GLRA1: variants seen among roughly 807,000 people sequenced by gnomAD.
GLRA1 encodes the protein glycine receptor alpha 1, also known as glycine receptor subunit alpha-1.
GLRA1 carries 37 observed loss-of-function variants against 48.3 expected under a neutral mutation model. That is an observed-to-expected ratio of 0.77 (90% CI 0.59 to 1.01). The LOEUF (loss-of-function observed/expected upper bound fraction) is 1.01. Ranked by LOEUF, GLRA1 falls within the 50% of genes least tolerant of loss-of-function variation. The pLI is 0.00. For missense variants in GLRA1, 427 were observed against 571.0 expected (o/e 0.75, Z 2.57); for synonymous variants, 196 against 210.7 (o/e 0.93, Z 0.60).
intron 1 of GLRA1, among the ~76,000 whole-genome samples, chr5:151,897,952 G>T (rs1754262532): frequency 1.3e-5 from 2 of 152,204 alleles, no homozygotes; most frequent in African/African-American, 2.4e-5. Flanking sequence ...TTGGTCAGGG[G>T]ATTTGTCACA....
At chr5:151,841,957 T>C (rs1477885021) in intron 7 of GLRA1, among the ~76,000 whole-genome samples, 1 of 151,372 alleles carries the variant, frequency 6.6e-6, no homozygotes, top group African/African-American at 2.4e-5. Flanking sequence ...CTTGGGAGGC[T>C]GAGGCAGGAG....
At chr5:151,832,348 T>G (rs1273623496) in intron 7 of GLRA1, among the ~76,000 whole-genome samples, 2 of 152,040 alleles carry the variant, frequency 1.3e-5, no homozygotes, top group Admixed American at 6.6e-5. Context: ...AATAGCAAAC[T>G]CCTCCAAGCT....
At chr5:151,842,161 C>T (rs896292262) in intron 7 of GLRA1, among the ~76,000 whole-genome samples, 1 of 151,916 alleles carries the variant, frequency 6.6e-6, no homozygotes, top group Non-Finnish European at 1.5e-5. Flanking sequence ...GACCAGATGG[C>T]TTCTTTCATT....
At chr5:151,826,416 T>C (rs1196577987) in intron 8 of GLRA1, among the ~76,000 whole-genome samples, 1 of 152,238 alleles carries the variant, frequency 6.6e-6, no homozygotes, top group East Asian at 1.9e-4. Context: ...CAGGACAATT[T>C]TTATCTGCTT....
At chr5:151,903,943 G>A (rs921858901) in intron 1 of GLRA1, among the ~76,000 whole-genome samples, 1 of 152,146 alleles carries the variant, frequency 6.6e-6, no homozygotes, top group African/African-American at 2.4e-5. Context: ...GTGAAATTTT[G>A]GCGCAAGTTT....
chr5:151,920,760 T>C (rs2040232972), intron 1 of GLRA1, among the ~76,000 whole-genome samples: 1 of 152,110 alleles, frequency 6.6e-6, no homozygotes, highest in South Asian at 2.1e-4. Flanking sequence ...CCTTGGGCCA[T>C]GTCAGAAACT....
In GLRA1 at chr5:151,828,902, C is replaced by T. The variant is rs1249397256; in HGVS notation, c.1059+19G>A. 4 of 1,610,890 alleles carry T rather than the reference C, an allele frequency of 2.5e-6. No individual in the cohort carries two copies. Among genetic ancestry groups the T allele is most frequent in the Non-Finnish European group, 3.4e-6 (4 of 1,177,646 alleles). On this transcript the variant is annotated intron_variant, in intron 8 of 8. Transcript: ENST00000274576. The stretch of plus-strand genomic sequence containing the variant: ...TTACTAACAGCTGTCCCTCCTTAGG[C>T]AGTGACCCAAAGGCCTACCTTGTGA...
At chr5:151,909,369 C>T (rs1006059842) in intron 1 of GLRA1, among the ~76,000 whole-genome samples, 1 of 152,112 alleles carries the variant, frequency 6.6e-6, no homozygotes, top group African/African-American at 2.4e-5. Context: ...AAATTGCAGC[C>T]CATGGTCATG....
At chr5:151,838,684 A>G (rs975288910) in intron 7 of GLRA1, among the ~76,000 whole-genome samples, 2 of 152,226 alleles carry the variant, frequency 1.3e-5, no homozygotes, top group African/African-American at 4.8e-5. Context: ...GAAACCATGT[A>G]ATGCACCAAC....
intron 1 of GLRA1, among the ~76,000 whole-genome samples, chr5:151,904,806 A>G (rs779507770): frequency 6.6e-6 from 1 of 152,198 alleles, no homozygotes; most frequent in Non-Finnish European, 1.5e-5. Context: ...TAAATGTTCA[A>G]TACAATTTTT....
chr5:151,905,659 C>G (rs960092804), intron 1 of GLRA1, among the ~76,000 whole-genome samples: 1 of 152,110 alleles, frequency 6.6e-6, no homozygotes, highest in Non-Finnish European at 1.5e-5. Context: ...TCCAACCCCC[C>G]AGGACCAGCA....
At chr5:151,868,262 A>G (rs1753387147) in intron 3 of GLRA1, among the ~76,000 whole-genome samples, 1 of 152,304 alleles carries the variant, frequency 6.6e-6, no homozygotes, top group Admixed American at 6.5e-5. Context: ...AGTTGTGAAA[A>G]CTAAAGCCCT....
chr5:151,843,756 A>G (rs1158302613), intron 7 of GLRA1, among the ~76,000 whole-genome samples: 1 of 152,248 alleles, frequency 6.6e-6, no homozygotes, highest in Non-Finnish European at 1.5e-5. Flanking sequence ...TTGAGAGTCC[A>G]GAAGTAAGCC....
intron 1 of GLRA1, among the ~76,000 whole-genome samples, chr5:151,919,381 G>T (rs1276892332): frequency 6.6e-6 from 1 of 152,176 alleles, no homozygotes; most frequent in Non-Finnish European, 1.5e-5. Context: ...TTTCAGATCT[G>T]TGAGTATAGT....
At chr5:151,888,286 C>G (rs896952218) in intron 2 of GLRA1, among the ~76,000 whole-genome samples, 1 of 152,206 alleles carries the variant, frequency 6.6e-6, no homozygotes, top group African/African-American at 2.4e-5. Context: ...TAGGAGGGGA[C>G]TCAGTCTTGG....
At chr5:151,848,866 G>A (rs555093005) in intron 7 of GLRA1, 34 of 609,918 alleles carry the variant, frequency 5.6e-5, no homozygotes, top group South Asian at 2.3e-4. Context: ...CCTGCTCAGC[G>A]CCCAGAACAC....
At chr5:151,859,733 T>G (rs1484292560) in intron 4 of GLRA1, 52 bp downstream of exon 4, 2 of 1,319,238 alleles carry the variant, frequency 1.5e-6, no homozygotes, top group Non-Finnish European at 2.2e-6. Context: ...CAGAAGGTAG[T>G]GGGGCAAGAC....
chr5:151,876,234 C>G (rs556071571), intron 3 of GLRA1, among the ~76,000 whole-genome samples: 2 of 152,272 alleles, frequency 1.3e-5, no homozygotes, highest in South Asian at 4.1e-4. Context: ...TTCTTTTCTA[C>G]TTGACTTTTC....
chr5:151,845,022 AATTTT>A (rs1752633592), intron 7 of GLRA1, among the ~76,000 whole-genome samples: 2 of 152,284 alleles, frequency 1.3e-5, no homozygotes, highest in African/African-American at 4.8e-5. Flanking sequence ...CATTTTTTAA[AATTTT>A]ATTTATTTTT....
Sources: allele counts gnomAD v4.1 joint callset (sites outside exome capture counted in the v4.1 genomes callset), GRCh38; gene constraint gnomAD v4.1.1; transcripts MANE v1.5; gene names NCBI Gene and HGNC (gene_info 2026-07-23, HGNC 2026-07-21).